DNAH10: variants seen among roughly 807,000 people sequenced by gnomAD.
DNAH10 encodes dynein axonemal heavy chain 10, also known as axonemal beta dynein heavy chain 10.
Under a neutral mutation model 506.6 loss-of-function variants are expected in DNAH10, and 348 were observed. The ratio of observed to expected loss-of-function variants is 0.69; its 90% CI spans 0.63 to 0.75. The LOEUF is 0.75. Among genes scored for constraint, DNAH10 ranks in the 30% least tolerant of loss-of-function variants. The pLI is 0.00. For synonymous variants in DNAH10, 2,059 were observed against 2,198.6 expected, an observed-to-expected ratio of 0.94 and a Z score of 1.78; for missense variants, 5,179 against 5,787.1, an observed-to-expected ratio of 0.89 and a Z score of 3.41.
chr12:123,805,026 A>T lies in DNAH10; in HGVS notation c.2973A>T (p.Thr991=). The change falls in exon 18 of 79, where the codon ACA becomes ACT. Residue 991 remains threonine (T), a synonymous_variant. Transcript: ENST00000673944. The part of the protein sequence containing the change: ...YWEKKIYEVL[T]KLILKNLQSF... ...AAAAGAAAATTTATGAGGTCCTGAC[A>T]AAGCTCATCCTGAAGTAAGTTCATC... 6.2e-7 allele frequency: 1 copy of T among 1,614,192 alleles called. No homozygotes were observed. The highest frequency in any genetic ancestry group is 8.5e-7 in the Non-Finnish European group (1 of 1,180,038).
intron 57 of DNAH10, among the ~76,000 whole-genome samples, chr12:123,905,712 G>A (rs1050296909): frequency 3.9e-5 from 6 of 151,928 alleles, no homozygotes; most frequent in African/African-American, 9.7e-5. Context: ...TATCTATTGG[G>A]TCGTGGTTAT....
chr12:123,769,922 G>GTTTTTT lies in DNAH10; in HGVS notation c.299-1667_299-1662dup, dbSNP rs373397275. Among the ~76,000 whole-genome samples the GTTTTTT allele has an allele frequency of 2.1e-5, 3 of 139,996 alleles. 1 individual carries two copies. The highest frequency in any genetic ancestry group is 3.1e-5 in the Non-Finnish European group (2 of 65,166). The allele number at this position is 139,996 out of a possible 152,430, so 91.8% of individuals were successfully genotyped here. On this transcript the variant is annotated intron_variant, in intron 2 of 78. Coordinates refer to ENST00000673944, the MANE Select transcript of DNAH10 (RefSeq NM_001372106.1). ...ATGTGTGCCACCATGCCTGGCTAAG[G>GTTTTTT]TTTTTTTTTTTTTTTTTAACTTAAA...
chr12:123,933,360 G>C lies in DNAH10; in HGVS notation c.13326G>C (p.Trp4442Cys), dbSNP rs894803310. The C allele has an allele frequency of 1.9e-6, 3 of 1,601,296 alleles. No homozygotes were observed. Among genetic ancestry groups the C allele is most frequent in the Non-Finnish European group, 2.6e-6 (3 of 1,174,728 alleles). The change falls in exon 77 of 79, where the codon TGG becomes TGC. Residue 4442 changes from tryptophan to cysteine, a missense_variant. By Grantham distance (215) the Trp-to-Cys change is radical. Around this residue, in one of 3 missense-constraint regions of DNAH10, gnomAD observed 4,844 missense variants for 5,430.5 expected, o/e 0.89. Coordinates refer to ENST00000673944, the MANE Select transcript of DNAH10 (RefSeq NM_001372106.1). ...WVTESEPSVM[W>C]LSGLHIPESY... ...CCGAGAGCGAGCCCAGCGTGATGTG[G>C]CTCTCGGGGCTGCACATCCCTGAGT...
chr12:123,783,111 G>T lies in DNAH10; in HGVS notation c.846G>T (p.Glu282Asp). The part of the protein sequence containing the change: ...IQRTMQQLEG[E>D]IKLEMPIISV... The stretch of plus-strand genomic sequence containing the variant: ...TGATCACTTTTATTTTCCTAGGTGA[G>T]ATCAAGTTAGAAATGCCAATCATCA... Residue 282 changes from glutamate to aspartate, a missense_variant, in exon 7 of 79, where the codon GAG becomes GAT. Coordinates refer to ENST00000673944, the MANE Select transcript of DNAH10 (RefSeq NM_001372106.1). The T allele has an allele frequency of 6.2e-7, 1 of 1,614,142 alleles. No individual in the cohort carries two copies. Among genetic ancestry groups the T allele is most frequent in the Non-Finnish European group, 8.5e-7 (1 of 1,179,994 alleles).
chr12:123,931,984 TG>T lies in DNAH10; in HGVS notation c.13174del (p.Ala4392ProfsTer21), dbSNP rs1454030034. The T allele has an allele frequency of 1.9e-6, 3 of 1,613,954 alleles. No homozygotes were observed. Among genetic ancestry groups the T allele is most frequent in the African/African-American group, 2.7e-5 (2 of 74,946 alleles). On this transcript the variant is annotated frameshift_variant, in exon 76 of 79. Transcript: ENST00000673944. LOFTEE classifies it high-confidence loss of function. ...GGAATGAGCAATGAGTTAGATGATG[TG>T]GCCAGGTCTCTTTTTATCGGGCATA... is the stretch of plus-strand genomic sequence containing the variant. The part of the protein sequence containing the change: ...EVGMSNELDD[V>X]ARSLFIGHIP...
At chr12:123,876,890 G>A (rs1952277851) in intron 47 of DNAH10, among the ~76,000 whole-genome samples, 2 of 152,106 alleles carry the variant, frequency 1.3e-5, no homozygotes, top group Non-Finnish European at 2.9e-5. Context: ...AGCCCAAGAG[G>A]TCGAGGCTGC....
At chr12:123,794,183 C>G (rs1344420234) in intron 12 of DNAH10, 71 bp downstream of exon 12, 1 of 1,012,682 alleles carries the variant, frequency 9.9e-7, no homozygotes, top group African/African-American at 1.7e-5. Flanking sequence ...TTGAATCCCA[C>G]TATTGTCTGT....
At chr12:123,870,552 A>G in intron 44 of DNAH10, 67 bp downstream of exon 44, 1 of 1,554,772 alleles carries the variant, frequency 6.4e-7, no homozygotes, top group Non-Finnish European at 8.7e-7. Flanking sequence ...GGAGGAGGCA[A>G]AGAAGATCCC....
intron 51 of DNAH10, among the ~76,000 whole-genome samples, chr12:123,886,471 G>GCA (rs1264214457): frequency 2.3e-5 from 3 of 131,716 alleles, no homozygotes; most frequent in Non-Finnish European, 3.4e-5. Context: ...GTTGCGTTGC[G>GCA]CGCGCGCGCG....
At chr12:123,872,950 G>C (rs577101441) in intron 45 of DNAH10, among the ~76,000 whole-genome samples, 1 of 152,192 alleles carries the variant, frequency 6.6e-6, no homozygotes, top group African/African-American at 2.4e-5. Flanking sequence ...ACTAATCAAG[G>C]AGCTCTCGCC....
intron 47 of DNAH10, among the ~76,000 whole-genome samples, chr12:123,876,340 C>CA (rs1243424467): frequency 6.6e-6 from 1 of 152,060 alleles, no homozygotes; most frequent in Non-Finnish European, 1.5e-5. Context: ...TAGAGCAATA[C>CA]AAAAAAATCA....
intron 54 of DNAH10, among the ~76,000 whole-genome samples, chr12:123,896,983 C>T (rs1953279318): frequency 6.6e-6 from 1 of 152,192 alleles, no homozygotes; most frequent in African/African-American, 2.4e-5. Context: ...AAACTCCATA[C>T]CCGTTAAACA....
At chr12:123,822,075 C>A (rs959555369) in intron 24 of DNAH10, among the ~76,000 whole-genome samples, 4 of 152,172 alleles carry the variant, frequency 2.6e-5, no homozygotes, top group African/African-American at 9.7e-5. Flanking sequence ...GATATGGTGG[C>A]ACATGCCTGT....
Position 123,902,973 on chromosome 12 carries a change from C to T in DNAH10, c.9675C>T (p.Ala3225=), listed in dbSNP as rs1017729200. 3.8e-6 allele frequency: 6 copies of T among 1,592,914 alleles called. No individual in the cohort carries two copies. Among genetic ancestry groups the T allele is most frequent in the Non-Finnish European group, 5.1e-6 (6 of 1,170,130 alleles). ...EEKKKLAEEK[A]MEIEEQNKVI... ...AGAAGAAACTGGCAGAGGAAAAGGC[C>T]ATGGAGATAGAGGAGCAGAACAAAG... Residue 3225 remains alanine, a synonymous_variant, in exon 57 of 79, where the codon GCC becomes GCT. Transcript: ENST00000673944. This position sits in a 1 kb window ranked among gnomAD's most constrained non-coding sequence, Gnocchi z 4.5.
At chr12:123,833,558 T>A (rs1211464299) in intron 27 of DNAH10, among the ~76,000 whole-genome samples, 2 of 152,234 alleles carry the variant, frequency 1.3e-5, no homozygotes, top group African/African-American at 2.4e-5. Context: ...AGTGAATGAT[T>A]TTCATTTCCA....
rs911875766 is a variant in DNAH10, at chr12:123,909,030, G to A, written c.9816-231G>A. On this transcript the variant is annotated intron_variant, in intron 57 of 78. Coordinates refer to ENST00000673944, the MANE Select transcript of DNAH10 (RefSeq NM_001372106.1). The surrounding 1 kb of genome is among the most constrained non-coding windows in gnomAD (Gnocchi z 5.4). ...GGGTTTGTATTTTAATGCTGCCCCC[G>A]CACCATTCCAGGCGCCTGGTCTGGA... is the stretch of plus-strand genomic sequence containing the variant. 6.6e-6 allele frequency among the ~76,000 whole-genome samples: 1 copy of A among 152,156 alleles called. No homozygotes were observed. The highest frequency in any genetic ancestry group is 2.4e-5 in the African/African-American group (1 of 41,442).
chr12:123,884,188 C>G (rs1339548731), intron 51 of DNAH10, among the ~76,000 whole-genome samples: 1 of 152,200 alleles, frequency 6.6e-6, no homozygotes, highest in Non-Finnish European at 1.5e-5. Context: ...GCATGTGCCA[C>G]CACGCCCGGC....
intron 29 of DNAH10, 96 bp from the exon 30 acceptor site, chr12:123,841,217 CCATTGCTTG>C: frequency 8.5e-7 from 1 of 1,182,068 alleles, no homozygotes; most frequent in Admixed American, 1.7e-5. Context: ...TCACCGGTTG[CCATTGCTTG>C]CATCGTGGCA....
intron 2 of DNAH10, among the ~76,000 whole-genome samples, chr12:123,770,686 G>T (rs1169719832): frequency 6.6e-6 from 1 of 152,074 alleles, no homozygotes; most frequent in Non-Finnish European, 1.5e-5. Context: ...AGAGGATTCA[G>T]ACCCCTGACA....
Sources: gnomAD v4.1 joint callset for allele counts (sites outside exome capture counted in the v4.1 genomes callset) on GRCh38, gnomAD v4.1.1 for gene constraint, gnomAD v4.1.1 regional missense constraint, Gnocchi (gnomAD v3.1) non-coding constraint, MANE v1.5 for transcripts, NCBI Gene and HGNC (gene_info 2026-07-23, HGNC 2026-07-21) for gene names.